The following MAPT variants were observed in gnomAD, a reference collection of about 807,000 sequenced individuals.
MAPT encodes microtubule associated protein tau.
A neutral mutation model predicts 67.9 loss-of-function variants in MAPT; 34 were observed. The observed-to-expected ratio is 0.50, with a 90% CI of 0.38 to 0.67. The LOEUF (loss-of-function observed/expected upper bound fraction) is 0.67, where lower values mean the gene tolerates loss of function less well. Among genes scored for constraint, MAPT ranks in the 30% least tolerant of loss-of-function variants. The pLI is 0.00. For missense variants in MAPT, 881 were observed against 1,115.2 expected, an observed-to-expected ratio of 0.79 and a Z score of 2.99; for synonymous variants, 456 against 464.5, an observed-to-expected ratio of 0.98 and a Z score of 0.23.
rs781536743 is a variant in MAPT, at chr17:45,978,366, A to G, written c.221-9A>G. ...TTTACCCCCCTTCATTTGCTGACAC[A>G]TACACCAGCTGAAGAAGCAGGCATT... On this transcript the variant is annotated splice_polypyrimidine_tract_variant and intron_variant, in intron 3 of 12. Coordinates refer to ENST00000262410, the MANE Select transcript of MAPT (RefSeq NM_001377265.1). 10 of 1,612,806 alleles carry G rather than the reference A, an allele frequency of 6.2e-6. No homozygotes were observed. The South Asian group carries it at 9.9e-5, about 16-fold the overall frequency.
chr17:45,957,749 G>C (rs2069901808), intron 1 of MAPT, among the ~76,000 whole-genome samples: 1 of 152,150 alleles, frequency 6.6e-6, no homozygotes, highest in Admixed American at 6.5e-5. Flanking sequence ...AAAACATACT[G>C]TGCTCTTGGG....
intron 9 of MAPT, among the ~76,000 whole-genome samples, chr17:46,003,517 G>A (rs2075193339): frequency 6.6e-6 from 1 of 152,088 alleles, no homozygotes; most frequent in African/African-American, 2.4e-5. Flanking sequence ...GGCCTCAGGT[G>A]ATCTGCCTAC....
intron 3 of MAPT, 81 bp from the exon 4 acceptor site, chr17:45,978,294 C>T (rs746015652): frequency 2.7e-6 from 3 of 1,128,926 alleles, no homozygotes; most frequent in African/African-American, 1.5e-5. Flanking sequence ...GGAAAATGCC[C>T]GAAGGTACAG....
intron 1 of MAPT, among the ~76,000 whole-genome samples, chr17:45,953,805 C>T (rs747129694): frequency 3.3e-5 from 5 of 152,112 alleles, no homozygotes; most frequent in East Asian, 1.9e-4. Context: ...ATACCCTGAG[C>T]GAGCATCCCC....
intron 1 of MAPT, among the ~76,000 whole-genome samples, chr17:45,899,364 A>T (rs1485191026): frequency 6.6e-6 from 1 of 152,146 alleles, no homozygotes; most frequent in Non-Finnish European, 1.5e-5. Context: ...TGCTATCTTA[A>T]TTACATTCAT....
At chr17:45,966,469 G>T (rs978494077) in intron 2 of MAPT, among the ~76,000 whole-genome samples, 4 of 152,032 alleles carry the variant, frequency 2.6e-5, no homozygotes, top group Non-Finnish European at 2.9e-5. Context: ...CATTCCTGTA[G>T]TCCCAGCTAC....
chr17:45,936,081 C>T (rs115661394), intron 1 of MAPT, among the ~76,000 whole-genome samples: 3 of 152,166 alleles, frequency 2.0e-5, no homozygotes, highest in Admixed American at 6.5e-5. Context: ...TGTGGTAGAT[C>T]GGCAGAGTTC....
At chr17:46,018,476 G>C (rs928515305) in intron 11 of MAPT, 142 bp from the exon 12 acceptor site, 11 of 775,866 alleles carry the variant, frequency 1.4e-5, no homozygotes, top group African/African-American at 5.1e-5. Context: ...CTCCAGAGCA[G>C]TGGCACCCAA....
chr17:45,934,730 A>G (rs62061716), intron 1 of MAPT, among the ~76,000 whole-genome samples: 21,826 of 152,220 alleles, frequency 0.14, 2,138 homozygotes, highest in Middle Eastern at 0.22. Flanking sequence ...CTCTGCTCTA[A>G]GAGGCAGTAG....
At position 45,983,724 on chromosome 17, in the gene MAPT, T is replaced by G. The variant is rs1182182524; in HGVS notation, c.1145T>G (p.Ile382Ser). The G allele has an allele frequency of 1.2e-6, 2 of 1,613,932 alleles. No homozygotes were observed. The highest frequency in any genetic ancestry group is 1.7e-6 in the Non-Finnish European group (2 of 1,179,992). The stretch of plus-strand genomic sequence containing the variant: ...CTGGAGTTCACGTTTCACGTGGAAA[T>G]CACACCCAACGTGCAGAAGGAGCAG... ...APLEFTFHVE[I>S]TPNVQKEQAH... Residue 382 changes from isoleucine to serine, a missense_variant, in exon 5 of 13, where the codon ATC becomes AGC. Transcript: ENST00000262410.
chr17:45,964,839 CCCT>C (rs961728205), intron 2 of MAPT, among the ~76,000 whole-genome samples: 5 of 152,084 alleles, frequency 3.3e-5, no homozygotes, highest in Admixed American at 3.3e-4. Flanking sequence ...TCTCGTCCCT[CCCT>C]CCTCTCCATC....
intron 2 of MAPT, among the ~76,000 whole-genome samples, chr17:45,964,841 C>G (rs1199332463): frequency 3.3e-5 from 5 of 152,024 alleles, no homozygotes; most frequent in Non-Finnish European, 7.4e-5. Context: ...TCGTCCCTCC[C>G]TCCTCTCCAT....
At chr17:46,019,289 C>A (rs1244181822) in intron 12 of MAPT, among the ~76,000 whole-genome samples, 1 of 147,818 alleles carries the variant, frequency 6.8e-6, no homozygotes, top group Non-Finnish European at 1.5e-5. Context: ...AGACCCGCCC[C>A]CATGATTCAG....
At chr17:45,921,458 C>G (rs2065707385) in intron 1 of MAPT, among the ~76,000 whole-genome samples, 1 of 152,168 alleles carries the variant, frequency 6.6e-6, no homozygotes, top group Non-Finnish European at 1.5e-5. Flanking sequence ...CAGCCTGGAT[C>G]AGGACAGCAT....
intron 1 of MAPT, among the ~76,000 whole-genome samples, chr17:45,903,987 TTTATATATATTATATA>T (rs1236494103): frequency 5.5e-4 from 11 of 20,134 alleles, no homozygotes; most frequent in Admixed American, 9.4e-4. Flanking sequence ...ATATTATATA[TTTATATATATTATATA>T]TTATATATAT....
At chr17:45,967,385 G>A (rs1419455892) in intron 2 of MAPT, among the ~76,000 whole-genome samples, 1 of 152,204 alleles carries the variant, frequency 6.6e-6, no homozygotes, top group Non-Finnish European at 1.5e-5. Context: ...TGCCCATATA[G>A]ATGTCCCTGT....
rs897995795 is a variant in MAPT, at chr17:45,915,098, G to C, written c.-18+20412G>C. Among the ~76,000 whole-genome samples the C allele has an allele frequency of 1.3e-5, 2 of 152,166 alleles. No individual in the cohort carries two copies. Among genetic ancestry groups the C allele is most frequent in the African/African-American group, 2.4e-5 (1 of 41,442 alleles). ...AAAGGATGAAAATATCCGGAAGAAG[G>C]GTTCTTTTAAAAGGCTCCTCAAGTG... On this transcript the variant is annotated intron_variant, in intron 1 of 12. Coordinates refer to ENST00000262410, the MANE Select transcript of MAPT (RefSeq NM_001377265.1). This position sits in a 1 kb window ranked among gnomAD's most constrained non-coding sequence, Gnocchi z 4.4.
At chr17:45,999,768 T>C in intron 9 of MAPT, 3 of 1,020,720 alleles carry the variant, frequency 2.9e-6, no homozygotes, top group Non-Finnish European at 4.2e-6. Context: ...TGACTTGACT[T>C]TTCTTGAGAT....
intron 1 of MAPT, among the ~76,000 whole-genome samples, chr17:45,951,139 G>A (rs777640370): frequency 2.0e-5 from 3 of 152,294 alleles, no homozygotes; most frequent in South Asian, 2.1e-4. Flanking sequence ...TCCCTTATAC[G>A]AAATATCCAG....
Sources: allele counts gnomAD v4.1 joint callset (sites outside exome capture counted in the v4.1 genomes callset), GRCh38; gene constraint gnomAD v4.1.1; non-coding constraint Gnocchi (gnomAD v3.1); transcripts MANE v1.5; gene names NCBI Gene and HGNC (gene_info 2026-07-23, HGNC 2026-07-21).